Variants in PDGFD observed in about 807,000 individuals in gnomAD.
The protein encoded by PDGFD is platelet-derived growth factor D.
In PDGFD, 30 loss-of-function variants were observed where a neutral mutation model predicts 44.7. The ratio of observed to expected loss-of-function variants is 0.67; its 90% CI spans 0.50 to 0.91. The LOEUF is 0.91. PDGFD is among the 40% of genes least tolerant of loss of function. The pLI, the probability that PDGFD is intolerant of heterozygous loss-of-function variation, is 0.00. For synonymous variants in PDGFD, 173 were observed against 168.4 expected (o/e 1.03, Z -0.21); for missense variants, 445 against 457.8 (o/e 0.97, Z 0.25).
At chr11:104,062,560 G>A (rs1480432658) in intron 1 of PDGFD, among the ~76,000 whole-genome samples, 2 of 152,070 alleles carry the variant, frequency 1.3e-5, no homozygotes, top group Non-Finnish European at 2.9e-5. Flanking sequence ...AATACGTTAG[G>A]AATAATTACT....
intron 3 of PDGFD, among the ~76,000 whole-genome samples, chr11:103,956,500 T>C (rs1858852408): frequency 8.2e-6 from 1 of 121,816 alleles, no homozygotes; most frequent in Non-Finnish European, 1.7e-5. Context: ...TTTGCTATTG[T>C]GAATAGTACC....
chr11:104,035,644 A>T (rs1860219169), intron 1 of PDGFD, among the ~76,000 whole-genome samples: 1 of 144,936 alleles, frequency 6.9e-6, no homozygotes, highest in Non-Finnish European at 1.5e-5. Context: ...TTCACATATG[A>T]CTTCATCAAT....
intron 3 of PDGFD, among the ~76,000 whole-genome samples, chr11:103,954,215 T>G (rs1259295893): frequency 1.3e-5 from 2 of 152,192 alleles, no homozygotes; most frequent in Non-Finnish European, 2.9e-5. Flanking sequence ...AGTTGATATA[T>G]TACAAGCTAA....
At chr11:103,956,065 GA>G (rs1320533427) in intron 3 of PDGFD, among the ~76,000 whole-genome samples, 3 of 122,686 alleles carry the variant, frequency 2.4e-5, no homozygotes, top group East Asian at 2.4e-4. Context: ...CTTAGTTTGG[GA>G]ATTTTTTTTT....
intron 3 of PDGFD, among the ~76,000 whole-genome samples, chr11:103,966,950 C>A (rs2134341188): frequency 6.6e-6 from 1 of 152,288 alleles, no homozygotes; most frequent in East Asian, 1.9e-4. Flanking sequence ...AGCTCACACT[C>A]TGAAAACCCG....
At chr11:103,959,899 A>G (rs970654457) in intron 3 of PDGFD, among the ~76,000 whole-genome samples, 1 of 152,184 alleles carries the variant, frequency 6.6e-6, no homozygotes, top group Non-Finnish European at 1.5e-5. Context: ...ATTAAATGAG[A>G]GATCCTGCAA....
chr11:103,982,014 T>C lies in PDGFD; in HGVS notation c.510+14051A>G, dbSNP rs1223206414. Reference sequence around the variant, plus strand: ...TTCAGAATCAGAATACCTGGTTATATGCTTCATTTCTATTCCACAGTTTCC... The same window carrying C: ...TTCAGAATCAGAATACCTGGTTATACGCTTCATTTCTATTCCACAGTTTCC... On this transcript the variant is annotated intron_variant, in intron 3 of 6. Coordinates refer to ENST00000393158, the MANE Select transcript of PDGFD (RefSeq NM_025208.5). Among the ~76,000 whole-genome samples, 7 of 151,810 alleles carry C rather than the reference T, an allele frequency of 4.6e-5. 1 individual carries two copies. Among genetic ancestry groups the C allele is most frequent in the African/African-American group, 1.7e-4 (7 of 41,148 alleles).
At chr11:104,152,259 A>T (rs1171444967) in intron 1 of PDGFD, among the ~76,000 whole-genome samples, 1 of 152,148 alleles carries the variant, frequency 6.6e-6, no homozygotes, top group Non-Finnish European at 1.5e-5. Context: ...AGTTGCTCTC[A>T]CTTCATTCTA....
At position 103,973,639 on chromosome 11, in the gene PDGFD, T is replaced by C. The variant is rs190156965; in HGVS notation, c.510+22426A>G. 1.3e-3 allele frequency among the ~76,000 whole-genome samples: 198 copies of C among 152,290 alleles called. 1 individual carries two copies. The highest frequency in any genetic ancestry group is 3.2e-4 in the Non-Finnish European group (22 of 68,026). ...AACTATGAGAAAACTCAGGCTTGGA[T>C]AGCTGAAGGGCCTGGCTGATGGCTC... On this transcript the variant is annotated intron_variant, in intron 3 of 6. Transcript: ENST00000393158.
At chr11:104,149,690 T>C (rs1862214866) in intron 1 of PDGFD, among the ~76,000 whole-genome samples, 2 of 152,182 alleles carry the variant, frequency 1.3e-5, no homozygotes, top group African/African-American at 2.4e-5. Context: ...TATGCATTCA[T>C]TTATTCATCC....
intron 1 of PDGFD, among the ~76,000 whole-genome samples, chr11:104,095,003 G>C (rs1158607370): frequency 1.3e-5 from 2 of 152,052 alleles, no homozygotes; most frequent in Non-Finnish European, 2.9e-5. Context: ...GTTACTCAAA[G>C]GCATCAAGAT....
chr11:104,104,866 CTGTT>C (rs1257691527), intron 1 of PDGFD, among the ~76,000 whole-genome samples: 1 of 152,040 alleles, frequency 6.6e-6, no homozygotes. Flanking sequence ...TGTGAAACAG[CTGTT>C]TGTTACCTCA....
intron 1 of PDGFD, among the ~76,000 whole-genome samples, chr11:104,087,730 C>T (rs1448862121): frequency 6.6e-6 from 1 of 152,182 alleles, no homozygotes; most frequent in Non-Finnish European, 1.5e-5. Context: ...TATTTTCCCT[C>T]AAACATGAAG....
At chr11:104,136,437 A>G (rs1862005606) in intron 1 of PDGFD, among the ~76,000 whole-genome samples, 1 of 152,204 alleles carries the variant, frequency 6.6e-6, no homozygotes, top group African/African-American at 2.4e-5. Context: ...GACAAATCTA[A>G]AAACAATAGT....
At chr11:104,163,007 A>G (rs1343838629) in intron 1 of PDGFD, among the ~76,000 whole-genome samples, 1 of 152,234 alleles carries the variant, frequency 6.6e-6, no homozygotes. Flanking sequence ...CTCTGGAACC[A>G]GTGACCCAGG....
chr11:104,111,339 C>A (rs1204516469), intron 1 of PDGFD, among the ~76,000 whole-genome samples: 3 of 149,946 alleles, frequency 2.0e-5, no homozygotes, highest in Non-Finnish European at 3.0e-5. Context: ...CGGCTCACTG[C>A]AACCTCCACC....
intron 6 of PDGFD, among the ~76,000 whole-genome samples, chr11:103,920,240 T>C (rs1019637097): frequency 2.0e-5 from 3 of 152,234 alleles, no homozygotes; most frequent in African/African-American, 7.2e-5. Flanking sequence ...AATCATGATA[T>C]CTGTGCATAT....
intron 1 of PDGFD, among the ~76,000 whole-genome samples, chr11:104,015,869 G>A (rs1216493206): frequency 2.0e-5 from 3 of 152,106 alleles, no homozygotes; most frequent in East Asian, 1.9e-4. Flanking sequence ...TGCATATAAA[G>A]AGCTCACGTG....
chr11:104,087,165 A>G (rs888083426), intron 1 of PDGFD, among the ~76,000 whole-genome samples: 1 of 149,480 alleles, frequency 6.7e-6, no homozygotes, highest in Non-Finnish European at 1.5e-5. Flanking sequence ...AGTAGCTAGG[A>G]CTACAGGTGC....
Sources: allele counts gnomAD v4.1 joint callset (sites outside exome capture counted in the v4.1 genomes callset), GRCh38; gene constraint gnomAD v4.1.1; transcripts MANE v1.5; gene names NCBI Gene and HGNC (gene_info 2026-07-23, HGNC 2026-07-21).